AKAP6: variants seen among roughly 807,000 people sequenced by gnomAD.
AKAP6 encodes the protein A-kinase anchor protein 6.
Under a neutral mutation model 188.5 loss-of-function variants are expected in AKAP6, and 58 were observed. The ratio of observed to expected loss-of-function variants is 0.31; its 90% CI spans 0.25 to 0.38. The LOEUF is 0.38. Ranked by LOEUF, AKAP6 falls within the 10% of genes least tolerant of loss-of-function variation. The pLI, the probability that AKAP6 is intolerant of heterozygous loss-of-function variation, is 1.00. For synonymous variants in AKAP6, 989 were observed against 998.6 expected (o/e 0.99, Z 0.18); for missense variants, 2,710 against 2,740.0 (o/e 0.99, Z 0.24).
In AKAP6 at chr14:32,535,641, G is replaced by A; in HGVS notation, c.412G>A (p.Val138Ile). Residue 138 changes from valine to isoleucine, a missense_variant, in exon 3 of 14, where the codon GTC (valine) becomes ATC (isoleucine). Physicochemically the swap from Val to Ile is conservative, Grantham distance 29 (BLOSUM62 3). Around this residue, in one of 2 missense-constraint regions of AKAP6, gnomAD observed 237 missense variants for 313.9 expected, o/e 0.76. Transcript: ENST00000280979. ...CTCCCTAAAGCTGCTGTCTTACTCT[G>A]TCAACGTGATAGTGGACATCCACGC... ...EFSLKLLSYS[V>I]NVIVDIHAVQ... is the part of the protein sequence containing the mutation. 2 of 1,614,222 alleles carry A rather than the reference G, an allele frequency of 1.2e-6. No individual in the cohort carries two copies. The highest frequency in any genetic ancestry group is 2.2e-5 in the South Asian group (2 of 91,092).
chr14:32,427,917 T>G (rs1028585870), intron 1 of AKAP6, among the ~76,000 whole-genome samples: 3 of 152,254 alleles, frequency 2.0e-5, no homozygotes, highest in African/African-American at 7.2e-5. Context: ...ACTAGAATTA[T>G]GCTTTAATCA....
rs1566547061 is a variant in AKAP6 at position 32,510,492 on chromosome 14, A to ATATATACATATATATATATG, written c.325-25056_325-25055insCATATATATATATGTATATA. Among the ~76,000 whole-genome samples, 31 of 113,406 alleles carry ATATATACATATATATATATG rather than the reference A, an allele frequency of 2.7e-4. 1 individual carries two copies. Among genetic ancestry groups the ATATATACATATATATATATG allele is most frequent in the Middle Eastern group, 4.4e-3 (1 of 228 alleles). 74.4% of individuals were successfully genotyped at this position (113,406 alleles called of 152,430 possible). The stretch of plus-strand genomic sequence containing the variant: ...TATATATATACATATATATATGTGT[A>ATATATACATATATATATATG]TATATATATATATGAAGAATTACCT... On this transcript the variant is annotated intron_variant, in intron 2 of 13. Coordinates refer to ENST00000280979, the MANE Select transcript of AKAP6 (RefSeq NM_004274.5).
intron 11 of AKAP6, among the ~76,000 whole-genome samples, chr14:32,773,035 T>C (rs1366086461): frequency 2.6e-5 from 4 of 152,182 alleles, no homozygotes; most frequent in Non-Finnish European, 5.9e-5. Context: ...CCTTCTTAAA[T>C]AGTGTGAATG....
At chr14:32,481,330 A>G (rs1314089406) in intron 2 of AKAP6, among the ~76,000 whole-genome samples, 1 of 152,192 alleles carries the variant, frequency 6.6e-6, no homozygotes, top group Admixed American at 6.5e-5. Context: ...AATTTCATAT[A>G]CATCCTTCCA....
At chr14:32,374,358 A>G (rs1888097304) in intron 1 of AKAP6, among the ~76,000 whole-genome samples, 1 of 152,234 alleles carries the variant, frequency 6.6e-6, no homozygotes, top group Admixed American at 6.5e-5. Context: ...CCCAGAGGAG[A>G]TGCTGCTGCT....
intron 1 of AKAP6, among the ~76,000 whole-genome samples, chr14:32,344,864 C>T (rs976834724): frequency 2.7e-5 from 4 of 148,470 alleles, no homozygotes; most frequent in African/African-American, 7.5e-5. Context: ...TGCAGTGAGC[C>T]GAGATAGCAC....
Position 32,546,321 on chromosome 14 carries a change from T to A in AKAP6, c.1668T>A (p.Pro556=), listed in dbSNP as rs1212914040. ...CTGCTTCCACATCCTCACTTGAGCC[T>A]TGTAATCAGAGAAGTTGGAATGCCA... The part of the protein sequence containing the change: ...TNSASTSSLE[P]CNQRSWNAKL... The change falls in exon 4 of 14, where the codon CCT becomes CCA. Residue 556 remains proline (P), a synonymous_variant. Transcript: ENST00000280979. 3 of 1,614,202 alleles carry A rather than the reference T, an allele frequency of 1.9e-6. No individual in the cohort carries two copies. The highest frequency in any genetic ancestry group is 2.5e-6 in the Non-Finnish European group (3 of 1,180,034).
intron 7 of AKAP6, among the ~76,000 whole-genome samples, 190 bp downstream of exon 7, chr14:32,600,982 T>C (rs1885904852): frequency 6.6e-6 from 1 of 152,182 alleles, no homozygotes; most frequent in African/African-American, 2.4e-5. Flanking sequence ...CTTCCAAGTT[T>C]TCCAGGAAGA....
intron 9 of AKAP6, among the ~76,000 whole-genome samples, chr14:32,721,064 T>G (rs969518601): frequency 6.6e-6 from 1 of 152,214 alleles, no homozygotes; most frequent in African/African-American, 2.4e-5. Flanking sequence ...CTCTGACAGA[T>G]ATTACATAAT....
chr14:32,782,191 GAGGGAGGGAGGGAGGGAGGA>G (rs1002055785), intron 12 of AKAP6, among the ~76,000 whole-genome samples: 3 of 140,574 alleles, frequency 2.1e-5, no homozygotes, highest in African/African-American at 7.9e-5. Flanking sequence ...GGAAGGGAGG[GAGGGAGGGAGGGAGGGAGGA>G]AGGGAAAGAA....
intron 9 of AKAP6, among the ~76,000 whole-genome samples, chr14:32,704,686 T>A (rs1890741677): frequency 6.6e-6 from 1 of 152,022 alleles, no homozygotes; most frequent in African/African-American, 2.4e-5. Flanking sequence ...TTATTTTGTT[T>A]AAAAAAAGAG....
chr14:32,782,981 G>T (rs2033297805), intron 12 of AKAP6, among the ~76,000 whole-genome samples: 1 of 151,894 alleles, frequency 6.6e-6, no homozygotes, highest in Non-Finnish European at 1.5e-5. Flanking sequence ...TTAAATTGGA[G>T]GATTTATACC....
chr14:32,744,170 A>G (rs1258737967), intron 11 of AKAP6, among the ~76,000 whole-genome samples: 1 of 151,690 alleles, frequency 6.6e-6, no homozygotes, highest in African/African-American at 2.4e-5. Flanking sequence ...GCTCCATTGT[A>G]TGTTATTTGC....
At chr14:32,460,473 T>C (rs910677789) in intron 2 of AKAP6, among the ~76,000 whole-genome samples, 9 of 152,226 alleles carry the variant, frequency 5.9e-5, no homozygotes, top group African/African-American at 2.2e-4. Flanking sequence ...ACCCGGGAAG[T>C]GCAAGGAGAT....
chr14:32,594,266 C>G (rs766264825), intron 5 of AKAP6, among the ~76,000 whole-genome samples: 1 of 152,154 alleles, frequency 6.6e-6, no homozygotes, highest in Non-Finnish European at 1.5e-5. Context: ...CAACCCTGTA[C>G]AAATTATATT....
intron 2 of AKAP6, among the ~76,000 whole-genome samples, chr14:32,440,210 A>G (rs1890524333): frequency 1.3e-5 from 2 of 151,908 alleles, no homozygotes; most frequent in Non-Finnish European, 1.5e-5. Context: ...ATAGTATTCC[A>G]TGGTGTATAT....
At chr14:32,718,412 C>T in intron 9 of AKAP6, 1 of 774,484 alleles carries the variant, frequency 1.3e-6, no homozygotes, top group Non-Finnish European at 1.6e-6. Context: ...CAAAAAGGCC[C>T]AAGGGGTCAG....
intron 1 of AKAP6, among the ~76,000 whole-genome samples, chr14:32,351,748 T>C (rs1028948193): frequency 6.6e-6 from 1 of 152,122 alleles, no homozygotes; most frequent in Non-Finnish European, 1.5e-5. Flanking sequence ...AGAAATTGAA[T>C]ATATATGTGT....
chr14:32,344,915 T>TAAA (rs11297648), intron 1 of AKAP6, among the ~76,000 whole-genome samples: 1 of 105,434 alleles, frequency 9.5e-6, no homozygotes, highest in African/African-American at 3.7e-5. Context: ...GACTCTGTCT[T>TAAA]AAAAAAAAAA....
Sources: allele counts gnomAD v4.1 joint callset (sites outside exome capture counted in the v4.1 genomes callset), GRCh38; gene constraint gnomAD v4.1.1; regional missense constraint gnomAD v4.1.1; transcripts MANE v1.5; gene names NCBI Gene and HGNC (gene_info 2026-07-23, HGNC 2026-07-21).